MYBL2: variants seen among roughly 807,000 people sequenced by gnomAD.
MYBL2 encodes myb-related protein B.
In MYBL2, 28 loss-of-function variants were observed where a neutral mutation model predicts 79.9. The ratio of observed to expected loss-of-function variants is 0.35; its 90% CI spans 0.26 to 0.48. The LOEUF (loss-of-function observed/expected upper bound fraction) is 0.48. MYBL2 is among the 20% of genes least tolerant of loss of function. The pLI is 0.99. For missense variants in MYBL2, 735 were observed against 893.9 expected, an observed-to-expected ratio of 0.82 and a Z score of 2.27; for synonymous variants, 378 against 361.2, an observed-to-expected ratio of 1.05 and a Z score of -0.53.
intron 5 of MYBL2, among the ~76,000 whole-genome samples, 168 bp downstream of exon 5, chr20:43,687,240 T>C (rs972661350): frequency 2.0e-5 from 3 of 152,086 alleles, no homozygotes; most frequent in Non-Finnish European, 4.4e-5. Flanking sequence ...GAAGGGTGGT[T>C]CCCCAGGGAA....
chr20:43,684,560 G>T, intron 4 of MYBL2, among the ~76,000 whole-genome samples: 1 of 144,664 alleles, frequency 6.9e-6, no homozygotes. Context: ...TTAATTTGTA[G>T]AGACAGGGTC....
intron 3 of MYBL2, 65 bp from the exon 4 acceptor site, chr20:43,682,729 C>A: frequency 6.7e-7 from 1 of 1,498,962 alleles, no homozygotes; most frequent in Non-Finnish European, 9.3e-7. Context: ...AGTACTTAAC[C>A]AGGCCCCCAG....
In MYBL2 at chr20:43,699,925, G is replaced by A. The variant is rs758094237; in HGVS notation, c.832G>A (p.Asp278Asn). ...EPLEEFPKREDQEGSPPETSL... is the reference protein window; with the variant it reads ...EPLEEFPKRENQEGSPPETSL... The stretch of plus-strand genomic sequence containing the variant: ...CTTGGAGGAATTCCCGAAGCGTGAG[G>A]ACCAGGAAGGCTCCCCACCAGAAAC... Residue 278 changes from aspartate to asparagine, a missense_variant, in exon 7 of 14, where the codon GAC becomes AAC. Around this residue, in one of 5 missense-constraint regions of MYBL2, gnomAD observed 144 missense variants for 131.9 expected, o/e 1.09. Transcript: ENST00000217026. 63 of 1,614,020 alleles carry A rather than the reference G, an allele frequency of 3.9e-5. 1 individual carries two copies. The South Asian group carries it at 4.8e-4, about 12-fold the overall frequency.
intron 1 of MYBL2, among the ~76,000 whole-genome samples, chr20:43,670,960 CTTTTTTTTCTTT>C (rs1986839657): frequency 6.9e-6 from 1 of 144,576 alleles, no homozygotes; most frequent in Non-Finnish European, 1.5e-5. Context: ...CCTATGATTT[CTTTTTTTTCTTT>C]TTTTTTTTTT....
chr20:43,702,858 G>A lies in MYBL2; in HGVS notation c.1320G>A (p.Thr440=), dbSNP rs751255222. 1.2e-5 allele frequency: 19 copies of A among 1,611,284 alleles called. No individual in the cohort carries two copies. The highest frequency in any genetic ancestry group is 1.7e-5 in the Admixed American group (1 of 59,942). The change falls in exon 8 of 14, where the codon ACG becomes ACA. Residue 440 remains threonine, a synonymous_variant. Transcript: ENST00000217026. ...TCCTGGATTCCTGTAACAGCCTCAC[G>A]CCCAAGAGCACACCTGTTAAGACCC... The part of the protein sequence containing the change: ...LSFLDSCNSL[T]PKSTPVKTLP...
At position 43,699,907 on chromosome 20, in the gene MYBL2, G is replaced by A. The variant is rs368666243; in HGVS notation, c.814G>A (p.Glu272Lys). The change falls in exon 7 of 14, where the codon GAA (glutamate) becomes AAA (lysine). Residue 272 changes from glutamate (E) to lysine (K), a missense_variant. Transcript: ENST00000217026. ...AGTGCGAACACCAGAGCCCTTGGAG[G>A]AATTCCCGAAGCGTGAGGACCAGGA... ...DAVRTPEPLE[E>K]FPKREDQEGS... is the part of the protein sequence containing the mutation. The A allele has an allele frequency of 1.2e-6, 2 of 1,614,094 alleles. No individual in the cohort carries two copies. Among genetic ancestry groups the A allele is most frequent in the South Asian group, 1.1e-5 (1 of 91,070 alleles).
At chr20:43,683,467 T>G (rs1600547615) in intron 4 of MYBL2, among the ~76,000 whole-genome samples, 1 of 151,992 alleles carries the variant, frequency 6.6e-6, no homozygotes, top group Non-Finnish European at 1.5e-5. Flanking sequence ...CCCTCATCTC[T>G]TCTCCTCGAT....
chr20:43,711,218 C>T (rs1193492400), intron 10 of MYBL2, among the ~76,000 whole-genome samples: 8 of 152,178 alleles, frequency 5.3e-5, no homozygotes, highest in Admixed American at 3.3e-4. Context: ...CTTAAAATGA[C>T]GGTTACTGCA....
rs773101448 is a variant in MYBL2, at chr20:43,715,167, A to G, written c.1858A>G (p.Thr620Ala). 4 of 1,613,982 alleles carry G rather than the reference A, an allele frequency of 2.5e-6. No homozygotes were observed. Among genetic ancestry groups the G allele is most frequent in the African/African-American group, 2.7e-5 (2 of 74,874 alleles). Reference sequence around the variant, plus strand: ...TGCCCCTTCAAACTCTTCCAGCCTCACCCTGTCAGGTATCAAAGAAGACAA... The same window carrying G: ...TGCCCCTTCAAACTCTTCCAGCCTCGCCCTGTCAGGTATCAAAGAAGACAA... ...TTAPSNSSSL[T>A]LSGIKEDNSL... Residue 620 changes from threonine to alanine, a missense_variant, in exon 13 of 14, where the codon ACC (threonine) becomes GCC (alanine). Coordinates refer to ENST00000217026, the MANE Select transcript of MYBL2 (RefSeq NM_002466.4).
At chr20:43,711,648 C>T (rs377023047) in intron 11 of MYBL2, 47 bp downstream of exon 11, 19 of 1,532,068 alleles carry the variant, frequency 1.2e-5, no homozygotes, top group East Asian at 2.4e-5. Flanking sequence ...GAATTGGAGC[C>T]GTGGCATGGG....
At chr20:43,706,511 G>A (rs1331361211) in intron 9 of MYBL2, among the ~76,000 whole-genome samples, 1 of 151,822 alleles carries the variant, frequency 6.6e-6, no homozygotes, top group Admixed American at 6.6e-5. Context: ...ATCAGCTCAG[G>A]AATTTTAGCC....
intron 5 of MYBL2, among the ~76,000 whole-genome samples, chr20:43,689,264 G>T (rs535453329): frequency 9.8e-5 from 15 of 152,330 alleles, no homozygotes; most frequent in African/African-American, 3.6e-4. Flanking sequence ...GAAAATGCCA[G>T]ATGGTGTGTT....
At chr20:43,699,235 A>G (rs1987627729) in intron 6 of MYBL2, among the ~76,000 whole-genome samples, 1 of 151,960 alleles carries the variant, frequency 6.6e-6, no homozygotes, top group African/African-American at 2.4e-5. Context: ...TAGTAGAGAC[A>G]GGGTTTCACC....
chr20:43,703,427 CT>C (rs2145729439), intron 8 of MYBL2, among the ~76,000 whole-genome samples: 1 of 152,314 alleles, frequency 6.6e-6, no homozygotes, highest in Admixed American at 6.5e-5. Flanking sequence ...GGTGTTGCCC[CT>C]GGGTGCTCTG....
At chr20:43,679,778 G>A (rs1395913538) in intron 2 of MYBL2, among the ~76,000 whole-genome samples, 1 of 152,042 alleles carries the variant, frequency 6.6e-6, no homozygotes, top group African/African-American at 2.4e-5. Flanking sequence ...AGGCCTGGTG[G>A]TGTGTGTCTG....
At chr20:43,699,266 G>A (rs189757924) in intron 6 of MYBL2, among the ~76,000 whole-genome samples, 22 of 152,084 alleles carry the variant, frequency 1.4e-4, no homozygotes, top group African/African-American at 5.1e-4. Flanking sequence ...GGCTGATCTC[G>A]AACTCTTGAC....
At chr20:43,691,984 T>G (rs985703332) in intron 5 of MYBL2, among the ~76,000 whole-genome samples, 173 bp from the exon 6 acceptor site, 3 of 152,124 alleles carry the variant, frequency 2.0e-5, no homozygotes, top group African/African-American at 7.2e-5. Context: ...CTGTAAATTA[T>G]TAGGGCTAGA....
intron 2 of MYBL2, among the ~76,000 whole-genome samples, chr20:43,678,725 G>C (rs560353848): frequency 1.0e-3 from 158 of 152,080 alleles, no homozygotes; most frequent in African/African-American, 3.7e-3. Context: ...GGGTGTGGTT[G>C]TGGGCACCTG....
At chr20:43,706,719 G>GTTTTTT (rs71193702) in intron 9 of MYBL2, among the ~76,000 whole-genome samples, 3,501 of 70,772 alleles carry the variant, frequency 0.049, 259 homozygotes, top group East Asian at 0.17. Flanking sequence ...AAAAAAAAAA[G>GTTTTTT]TTTTTTTTTT....
Sources: gnomAD v4.1 joint callset for allele counts (sites outside exome capture counted in the v4.1 genomes callset) on GRCh38, gnomAD v4.1.1 for gene constraint, gnomAD v4.1.1 regional missense constraint, MANE v1.5 for transcripts, NCBI Gene and HGNC (gene_info 2026-07-23, HGNC 2026-07-21) for gene names.